FILIP1: variants seen among roughly 807,000 people sequenced by gnomAD.
The protein encoded by FILIP1 is filamin A interacting protein 1.
In FILIP1, 61 loss-of-function variants were observed where a neutral mutation model predicts 102.1. The ratio of observed to expected loss-of-function variants is 0.60; its 90% CI spans 0.49 to 0.74. The LOEUF is 0.74. FILIP1 is among the 30% of genes least tolerant of loss of function. The pLI, the probability that FILIP1 is intolerant of heterozygous loss-of-function variation, is 0.00. For synonymous variants in FILIP1, 491 were observed against 526.9 expected, an observed-to-expected ratio of 0.93 and a Z score of 0.93; for missense variants, 1,314 against 1,441.2, an observed-to-expected ratio of 0.91 and a Z score of 1.43.
intron 1 of FILIP1, among the ~76,000 whole-genome samples, chr6:75,440,716 T>C (rs538887884): frequency 4.6e-5 from 7 of 152,264 alleles, no homozygotes; most frequent in African/African-American, 1.4e-4. Context: ...TTTGGGAGGC[T>C]GAGGCAGGCA....
intron 4 of FILIP1, among the ~76,000 whole-genome samples, chr6:75,322,940 C>G (rs549256664): frequency 6.6e-6 from 1 of 152,160 alleles, no homozygotes; most frequent in African/African-American, 2.4e-5. Context: ...ATGATCCACC[C>G]ACCTCGGCCT....
At chr6:75,324,357 A>C (rs1773762980) in intron 4 of FILIP1, among the ~76,000 whole-genome samples, 1 of 151,576 alleles carries the variant, frequency 6.6e-6, no homozygotes, top group Non-Finnish European at 1.5e-5. Context: ...AAAAAAAAAA[A>C]AAAGGAAAGA....
At chr6:75,451,040 A>C (rs941781261) in intron 1 of FILIP1, among the ~76,000 whole-genome samples, 10 of 152,054 alleles carry the variant, frequency 6.6e-5, no homozygotes, top group African/African-American at 2.4e-4. Context: ...TTCTCATTTC[A>C]TGTTGGGGCA....
chr6:75,353,824 C>T, intron 3 of FILIP1, 107 bp from the exon 4 acceptor site: 1 of 1,101,678 alleles, frequency 9.1e-7, no homozygotes, highest in Admixed American at 2.5e-5. Context: ...AAAGCGAGAA[C>T]AGTGAGTCTG....
rs750454653 is a variant in FILIP1, at chr6:75,313,294, G to A, written c.2538C>T (p.Pro846=). 6.8e-6 allele frequency: 11 copies of A among 1,614,122 alleles called. No individual in the cohort carries two copies. The highest frequency in any genetic ancestry group is 2.7e-5 in the African/African-American group (2 of 75,020). Residue 846 remains proline (P), a synonymous_variant, in exon 5 of 6, where the codon CCC becomes CCT. Transcript: ENST00000237172. This position sits in a 1 kb window ranked among gnomAD's most constrained non-coding sequence, Gnocchi z 4.2. ...SNLRQVGLKK[P]VERSSVLDRY... ...TGTCTAGAACAGAAGATCTTTCCAC[G>A]GGTTTCTTCAATCCCACCTGCCGAA...
In FILIP1 at chr6:75,313,104, G is replaced by C; in HGVS notation, c.2728C>G (p.Leu910Val). The C allele has an allele frequency of 6.2e-7, 1 of 1,614,200 alleles. No individual in the cohort carries two copies. Among genetic ancestry groups the C allele is most frequent in the Non-Finnish European group, 8.5e-7 (1 of 1,180,044 alleles). ...VVLSPKQGQP[L>V]HIRVTPDHEN... ...TGGTCTGGTGTCACTCGAATATGCA[G>C]GGGCTGGCCCTGCTTTGGTGAAAGG... Residue 910 changes from leucine (L) to valine (V), a missense_variant, in exon 5 of 6, where the codon CTG becomes GTG. Physicochemically the swap from Leu to Val is conservative, Grantham distance 32 (BLOSUM62 1). Transcript: ENST00000237172. The surrounding 1 kb of genome is among the most constrained non-coding windows in gnomAD (Gnocchi z 4.2).
chr6:75,342,463 A>T (rs560935816), intron 4 of FILIP1, among the ~76,000 whole-genome samples: 2 of 152,336 alleles, frequency 1.3e-5, no homozygotes, highest in South Asian at 4.1e-4. Flanking sequence ...TATAATTTCT[A>T]TTTGGGGTCC....
intron 4 of FILIP1, among the ~76,000 whole-genome samples, chr6:75,340,675 A>G (rs1774389451): frequency 6.6e-6 from 1 of 151,510 alleles, no homozygotes; most frequent in African/African-American, 2.4e-5. Context: ...TCAAAATTTG[A>G]CTATTTTTGC....
At chr6:75,475,787 C>T (rs1779457574) in intron 1 of FILIP1, among the ~76,000 whole-genome samples, 1 of 152,130 alleles carries the variant, frequency 6.6e-6, no homozygotes. Context: ...ATTCAAAAAA[C>T]AGTATGATTA....
chr6:75,479,324 A>G (rs1779581579), intron 1 of FILIP1, among the ~76,000 whole-genome samples: 1 of 152,178 alleles, frequency 6.6e-6, no homozygotes, highest in South Asian at 2.1e-4. Flanking sequence ...TTTTTGCCAC[A>G]TATTGTTGTT....
intron 1 of FILIP1, among the ~76,000 whole-genome samples, chr6:75,481,832 C>A (rs1779656751): frequency 6.6e-6 from 1 of 152,282 alleles, no homozygotes; most frequent in African/African-American, 2.4e-5. Context: ...CTTCTAAATT[C>A]TCACACAATA....
intron 3 of FILIP1, among the ~76,000 whole-genome samples, chr6:75,359,563 G>A (rs1364195440): frequency 1.3e-5 from 2 of 152,266 alleles, no homozygotes; most frequent in African/African-American, 2.4e-5. Context: ...CTCATTGAGG[G>A]AGTCCACATA....
intron 4 of FILIP1, 116 bp downstream of exon 4, chr6:75,353,423 G>A: frequency 9.5e-7 from 1 of 1,052,962 alleles, no homozygotes; most frequent in Non-Finnish European, 1.4e-6. Flanking sequence ...ATTGACATTA[G>A]ACCCTGGGCA....
At position 75,461,572 on chromosome 6, in the gene FILIP1, G is replaced by C. The variant is rs180967168; in HGVS notation, c.-7+31842C>G. Among the ~76,000 whole-genome samples, 135 of 152,284 alleles carry C rather than the reference G, an allele frequency of 8.9e-4. No individual in the cohort carries two copies. The East Asian group carries it at 0.018, about 20-fold the overall frequency. Reference sequence around the variant, plus strand: ...CAGAACAAATTGAGAAGTTTGTCCTGATTTGTAACATAGTTTCCCTCAGGA... The same window carrying C: ...CAGAACAAATTGAGAAGTTTGTCCTCATTTGTAACATAGTTTCCCTCAGGA... On this transcript the variant is annotated intron_variant, in intron 1 of 5. Coordinates refer to ENST00000237172, the MANE Select transcript of FILIP1 (RefSeq NM_015687.5).
chr6:75,392,069 AC>A (rs1776296118), intron 2 of FILIP1, among the ~76,000 whole-genome samples: 1 of 151,968 alleles, frequency 6.6e-6, no homozygotes, highest in African/African-American at 2.4e-5. Context: ...AAAATGTTCC[AC>A]TTTTACTCCA....
intron 3 of FILIP1, 68 bp from the exon 4 acceptor site, chr6:75,353,785 T>C (rs1197854539): frequency 1.3e-6 from 2 of 1,501,854 alleles, no homozygotes; most frequent in Non-Finnish European, 1.8e-6. Flanking sequence ...AAATAATTTG[T>C]TGACATGGGT....
intron 1 of FILIP1, chr6:75,473,711 T>C (rs1008401709): frequency 2.0e-5 from 3 of 152,166 alleles, no homozygotes; most frequent in Non-Finnish European, 2.9e-5. Context: ...TAACAATCTC[T>C]ACCAAATCTA....
At chr6:75,398,723 A>T (rs897016828) in intron 2 of FILIP1, 1 of 152,224 alleles carries the variant, frequency 6.6e-6, no homozygotes, top group African/African-American at 2.4e-5. Context: ...TTAAAATTTA[A>T]ATTCACTATG....
chr6:75,330,949 G>T (rs1306556237), intron 4 of FILIP1, among the ~76,000 whole-genome samples: 1 of 152,132 alleles, frequency 6.6e-6, no homozygotes, highest in Non-Finnish European at 1.5e-5. Context: ...TTAATCCGTA[G>T]TAATTTACCT....
Sources: gnomAD v4.1 joint callset for allele counts (sites outside exome capture counted in the v4.1 genomes callset) on GRCh38, gnomAD v4.1.1 for gene constraint, Gnocchi (gnomAD v3.1) non-coding constraint, MANE v1.5 for transcripts, NCBI Gene and HGNC (gene_info 2026-07-23, HGNC 2026-07-21) for gene names.